Variants in FGD5 observed in about 807,000 individuals in gnomAD.
FGD5 encodes the protein FYVE, RhoGEF and PH domain containing 5.
In FGD5, 28 loss-of-function variants were observed where a neutral mutation model predicts 133.4. That is an observed-to-expected ratio of 0.21 (90% CI 0.16 to 0.29). The LOEUF (loss-of-function observed/expected upper bound fraction) is 0.29, where lower values mean the gene tolerates loss of function less well. FGD5 is among the 10% of genes least tolerant of loss of function. The pLI is 1.00. For synonymous variants in FGD5, 810 were observed against 776.5 expected, an observed-to-expected ratio of 1.04 and a Z score of -0.72; for missense variants, 1,858 against 1,895.2, an observed-to-expected ratio of 0.98 and a Z score of 0.36.
chr3:14,835,701 CAG>C (rs1253494296), intron 1 of FGD5, among the ~76,000 whole-genome samples: 2 of 152,132 alleles, frequency 1.3e-5, no homozygotes, highest in Non-Finnish European at 2.9e-5. Flanking sequence ...TGAAGAAGAA[CAG>C]GGAGAATTCA....
intron 18 of FGD5, among the ~76,000 whole-genome samples, chr3:14,927,664 G>A (rs1208090540): frequency 2.0e-5 from 3 of 152,134 alleles, no homozygotes; most frequent in Admixed American, 2.0e-4. Flanking sequence ...CCCCTATCAT[G>A]TACCCTGAGG....
Position 14,922,607 on chromosome 3 carries a change from T to G in FGD5, c.3807+59T>G. The G allele has an allele frequency of 6.6e-7, 1 of 1,523,158 alleles. No individual in the cohort carries two copies. Among genetic ancestry groups the G allele is most frequent in the Non-Finnish European group, 8.8e-7 (1 of 1,134,284 alleles). 94.4% of individuals were successfully genotyped at this position (1,523,158 alleles called of 1,614,324 possible). On this transcript the variant is annotated intron_variant, in intron 15 of 19. Transcript: ENST00000285046. This position sits in a 1 kb window ranked among gnomAD's most constrained non-coding sequence, Gnocchi z 4.1. ...GGGGGTGGGGTGGGGGAAGGGCATG[T>G]CCCTGCCCAGCCGGGGGCTCAGGGA...
rs375933722 is a variant in FGD5, at chr3:14,884,094, G to A, written c.2748+3322G>A. On this transcript the variant is annotated intron_variant, in intron 4 of 19. Transcript: ENST00000285046. Reference sequence around the variant, plus strand: ...CCCCAAATAAGGCTAGGACCAGATCGAGAAGTACCAAAAATGCTGGGCCAA... The same window carrying A: ...CCCCAAATAAGGCTAGGACCAGATCAAGAAGTACCAAAAATGCTGGGCCAA... Among the ~76,000 whole-genome samples, 6 of 152,190 alleles carry A rather than the reference G, an allele frequency of 3.9e-5. No homozygotes were observed. The South Asian group carries it at 8.3e-4, about 21-fold the overall frequency.
chr3:14,862,835 G>T (rs1166199581), intron 1 of FGD5, among the ~76,000 whole-genome samples: 1 of 152,006 alleles, frequency 6.6e-6, no homozygotes, highest in Non-Finnish European at 1.5e-5. Context: ...CCTTGTCCTT[G>T]CTCTGTCTGG....
rs74915141 is a variant in FGD5 at position 14,859,682 on chromosome 3, G to A, written c.2526-4446G>A. Reference sequence around the variant, plus strand: ...TATTATTGACTGCAGTCACCCTGCTGTGCAGTAGTCTCAAAACCCATTCCT... The same window carrying A: ...TATTATTGACTGCAGTCACCCTGCTATGCAGTAGTCTCAAAACCCATTCCT... On this transcript the variant is annotated intron_variant, in intron 1 of 19. Coordinates refer to ENST00000285046, the MANE Select transcript of FGD5 (RefSeq NM_152536.4). Among the ~76,000 whole-genome samples, 1,134 of 152,302 alleles carry A rather than the reference G, an allele frequency of 7.4e-3. 13 individuals carry two copies. The highest frequency in any genetic ancestry group is 0.026 in the African/African-American group (1,068 of 41,564).
chr3:14,858,807 C>T (rs140903302), intron 1 of FGD5, among the ~76,000 whole-genome samples: 2 of 152,282 alleles, frequency 1.3e-5, no homozygotes, highest in African/African-American at 4.8e-5. Flanking sequence ...TTGCCCAGGA[C>T]ACAGTTCTGC....
chr3:14,886,709 G>T (rs1464759178), intron 4 of FGD5, among the ~76,000 whole-genome samples: 1 of 152,218 alleles, frequency 6.6e-6, no homozygotes, highest in Non-Finnish European at 1.5e-5. Context: ...GACTGGTTAT[G>T]TTGTGTTTTC....
At position 14,844,204 on chromosome 3, in the gene FGD5, TAAAAAA is replaced by T. The variant is rs1168327274; in HGVS notation, c.2526-19915_2526-19910del. Among the ~76,000 whole-genome samples, 144 of 17,140 alleles carry T rather than the reference TAAAAAA, an allele frequency of 8.4e-3. 4 individuals carry two copies. Among genetic ancestry groups the T allele is most frequent in the Middle Eastern group, 0.062 (1 of 16 alleles). The allele number at this position is 17,140 out of a possible 152,430, so 11.2% of individuals were successfully genotyped here. On this transcript the variant is annotated intron_variant, in intron 1 of 19. Coordinates refer to ENST00000285046, the MANE Select transcript of FGD5 (RefSeq NM_152536.4). ...ACATTTCTCACATCTTAATAGGCATTAAAAAAAAAAAAAATATATATATATATATAT... is the reference window on the plus strand; with the variant it reads ...ACATTTCTCACATCTTAATAGGCATTAAAAAAAATATATATATATATATAT...
chr3:14,852,051 A>G (rs11714220), intron 1 of FGD5, among the ~76,000 whole-genome samples: 12,017 of 152,298 alleles, frequency 0.079, 739 homozygotes, highest in East Asian at 0.31. Context: ...AGTTCTCAAA[A>G]CATTAAATAT....
At chr3:14,895,573 T>TTTTGTTTG (rs1318969899) in intron 4 of FGD5, among the ~76,000 whole-genome samples, 2 of 152,112 alleles carry the variant, frequency 1.3e-5, no homozygotes, top group African/African-American at 4.8e-5. Flanking sequence ...TGTTTTGTTT[T>TTTTGTTTG]TTTGTTTGTT....
chr3:14,905,508 G>T (rs1369906745), intron 9 of FGD5, among the ~76,000 whole-genome samples: 1 of 152,138 alleles, frequency 6.6e-6, no homozygotes, highest in East Asian at 1.9e-4. Flanking sequence ...CATCTCCACT[G>T]ATCTGTCTTC....
chr3:14,918,521 G>T (rs55846979), intron 12 of FGD5, among the ~76,000 whole-genome samples: 11,375 of 152,264 alleles, frequency 0.075, 1,214 homozygotes, highest in African/African-American at 0.23. Flanking sequence ...GCCCGGGCTG[G>T]GCCCTGAGCA....
intron 4 of FGD5, among the ~76,000 whole-genome samples, chr3:14,883,172 G>C (rs2037859930): frequency 6.6e-6 from 1 of 152,106 alleles, no homozygotes; most frequent in East Asian, 1.9e-4. Flanking sequence ...ACAGTCCTGG[G>C]TTTGTGTAAC....
In FGD5 at chr3:14,924,033, G is replaced by A. The variant is rs775731676; in HGVS notation, c.3963G>A (p.Pro1321=). 117 of 1,613,792 alleles carry A rather than the reference G, an allele frequency of 7.3e-5. No homozygotes were observed. The highest frequency in any genetic ancestry group is 2.0e-4 in the Admixed American group (12 of 59,994). Residue 1321 remains proline (P), a synonymous_variant, in exon 17 of 20, where the codon CCG becomes CCA. Coordinates refer to ENST00000285046, the MANE Select transcript of FGD5 (RefSeq NM_152536.4). ...MRERPVSMSF[P]LSSPRFSGSA... ...AGCGGCCTGTGAGCATGAGCTTCCC[G>A]CTGTCTTCACCCCGCTTCTCGGGCA... is the stretch of plus-strand genomic sequence containing the variant.
intron 10 of FGD5, among the ~76,000 whole-genome samples, chr3:14,909,924 C>G (rs1455594919): frequency 1.3e-5 from 2 of 151,828 alleles, no homozygotes. Context: ...CACCACCACA[C>G]CCATCTAATT....
chr3:14,888,379 G>A (rs1388386110), intron 4 of FGD5, among the ~76,000 whole-genome samples: 1 of 152,176 alleles, frequency 6.6e-6, no homozygotes, highest in Non-Finnish European at 1.5e-5. Flanking sequence ...TGAATAGTCT[G>A]ACAATGCAGT....
chr3:14,814,698 G>C (rs2036343317), upstream of FGD5, among the ~76,000 whole-genome samples: 1 of 152,116 alleles, frequency 6.6e-6, no homozygotes, highest in Admixed American at 6.5e-5. Flanking sequence ...TCAGAAGCCA[G>C]AGCCTGCTTG....
Position 14,933,612 on chromosome 3 carries a change from T to G in FGD5, c.*445T>G, listed in dbSNP as rs190723266. The G allele has an allele frequency of 1.0e-4, 17 of 168,778 alleles. No homozygotes were observed. The highest frequency in any genetic ancestry group is 5.1e-4 in the Admixed American group (9 of 17,486). The allele number at this position is 168,778 out of a possible 1,614,324, so 10.5% of individuals were successfully genotyped here. A position where few individuals can be genotyped will look rare whatever the true frequency, so the allele number is the denominator to read the frequency against. Reference sequence around the variant, plus strand: ...GAAATGAGAAGCTATCAGTAACAGCTACTCTCATCGAAAGCACTTTATTAT... The same window carrying G: ...GAAATGAGAAGCTATCAGTAACAGCGACTCTCATCGAAAGCACTTTATTAT... On this transcript the variant is annotated 3_prime_UTR_variant, in exon 20 of 20. Coordinates refer to ENST00000285046, the MANE Select transcript of FGD5 (RefSeq NM_152536.4).
rs1364292854 is a variant in FGD5 at position 14,820,835 on chromosome 3, A to G, written c.1764A>G (p.Val588=). 1 of 1,613,696 alleles carries G rather than the reference A, an allele frequency of 6.2e-7. No individual in the cohort carries two copies. Among genetic ancestry groups the G allele is most frequent in the Non-Finnish European group, 8.5e-7 (1 of 1,179,794 alleles). Residue 588 remains valine (V), a synonymous_variant, in exon 1 of 20, where the codon GTA becomes GTG. Transcript: ENST00000285046. ...RKEDNLSLSC[V]IGSSGSFSQR... is the part of the protein sequence containing the mutation. Reference sequence around the variant, plus strand: ...AGGACAATCTCTCTCTGTCGTGTGTAATTGGCTCCTCTGGGAGTTTCTCCC... The same window carrying G: ...AGGACAATCTCTCTCTGTCGTGTGTGATTGGCTCCTCTGGGAGTTTCTCCC...
Sources: allele counts gnomAD v4.1 joint callset (sites outside exome capture counted in the v4.1 genomes callset), GRCh38; gene constraint gnomAD v4.1.1; non-coding constraint Gnocchi (gnomAD v3.1); transcripts MANE v1.5; gene names NCBI Gene and HGNC (gene_info 2026-07-23, HGNC 2026-07-21).